Variants in SSX5 observed in about 807,000 individuals in gnomAD.
SSX5 encodes the protein protein SSX5.
SSX5 carries 14 observed loss-of-function variants against 14.9 expected under a neutral mutation model. The observed-to-expected ratio is 0.94, with a 90% CI of 0.62 to 1.47. SSX5 has a LOEUF of 1.47. Ranked by LOEUF, SSX5 falls within the 40% of genes most tolerant of loss-of-function variation. The probability of loss-of-function intolerance (pLI) is 0.00; values close to 1 mark genes in which losing one functional copy is unlikely to be tolerated. For synonymous variants in SSX5, 70 were observed against 55.4 expected (o/e 1.26, Z -1.17); for missense variants, 204 against 154.6 (o/e 1.32, Z -1.70).
In SSX5 at chrX:48,186,668, A is replaced by G. The variant is rs137861486; in HGVS notation, c.*193T>C. ...TCTAACAGAATGGCACACTGTAACAAAATACAACAGAAACACTAACATCGA... is the reference window on the plus strand; with the variant it reads ...TCTAACAGAATGGCACACTGTAACAGAATACAACAGAAACACTAACATCGA... On this transcript the variant is annotated 3_prime_UTR_variant, in exon 8 of 8. Transcript: ENST00000347757. The G allele has an allele frequency of 1.6e-3, 1,340 of 845,771 alleles. 3 individuals are homozygous for G. The highest frequency in any genetic ancestry group is 2.0e-3 in the Non-Finnish European group (1,176 of 594,789). 69.7% of individuals were successfully genotyped at this position (845,771 alleles called of 1,213,427 possible). A position where few individuals can be genotyped will look rare whatever the true frequency, so the allele number is the denominator to read the frequency against.
Position 48,195,344 on chromosome X carries a change from A to C in SSX5, c.15T>G (p.Asp5Glu). MNGD[D>E]AFVRRPRVGS... is the part of the protein sequence containing the mutation. ...CAACCCTAGGTCTCCGTACAAAGGC[A>C]TCGTCTCCGTTCATGGCACCGGGAG... Residue 5 changes from aspartate (D) to glutamate (E), a missense_variant, in exon 2 of 8, where the codon GAT becomes GAG. Transcript: ENST00000347757. The C allele has an allele frequency of 8.3e-7, 1 of 1,211,565 alleles. No homozygotes were observed. The highest frequency in any genetic ancestry group is 1.1e-6 in the Non-Finnish European group (1 of 895,385).
Position 48,194,185 on chromosome X carries a change from C to T in SSX5, c.224G>A (p.Arg75Gln), listed in dbSNP as rs139280367. ...ATLPPFMRNK[R>Q]VADFQGNDFD... ...ATCATTCCCCTGGAAGTCTGCGACC[C>T]GTTTATTACGCATGAAAGGTGGGAG... Residue 75 changes from arginine to glutamine, a missense_variant, in exon 4 of 8, where the codon CGG becomes CAG. Transcript: ENST00000347757. The T allele has an allele frequency of 7.8e-5, 94 of 1,207,823 alleles. No individual in the cohort carries two copies. Among genetic ancestry groups the T allele is most frequent in the South Asian group, 6.2e-4 (35 of 56,658 alleles).
intron 1 of SSX5, 134 bp from the exon 2 acceptor site, chrX:48,195,512 C>A: frequency 1.6e-6 from 1 of 627,515 alleles, no homozygotes; most frequent in Non-Finnish European, 2.5e-6. Context: ...CTTATCTGTC[C>A]CTGAGTAAGG....
rs782744115 is a variant in SSX5 at position 48,186,853 on chromosome X, G to A, written c.*8C>T. The A allele has an allele frequency of 2.5e-4, 295 of 1,196,172 alleles. No homozygotes were observed. The highest frequency in any genetic ancestry group is 3.1e-4 in the Non-Finnish European group (279 of 894,978). On this transcript the variant is annotated 3_prime_UTR_variant, in exon 8 of 8. Transcript: ENST00000347757. ...CATCATGGGCATGTGTCATATCCCC[G>A]AGGCTGAGGCAAGAAGCGAGAAGGA...
At position 48,186,403 on chromosome X, in the gene SSX5, T is replaced by TGTGCGCGCGC. The variant is rs1327257757; in HGVS notation, c.*457_*458insGCGCGCGCAC. 1 of 126,230 alleles carries TGTGCGCGCGC rather than the reference T, an allele frequency of 7.9e-6. No homozygotes were observed. Among genetic ancestry groups the TGTGCGCGCGC allele is most frequent in the African/African-American group, 4.0e-5 (1 of 24,997 alleles). 10.4% of individuals were successfully genotyped at this position (126,230 alleles called of 1,213,427 possible). A position where few individuals can be genotyped will look rare whatever the true frequency, so the allele number is the denominator to read the frequency against. On this transcript the variant is annotated 3_prime_UTR_variant, in exon 8 of 8. Coordinates refer to ENST00000347757, the MANE Select transcript of SSX5 (RefSeq NM_175723.2). ...GTGTGTGTGTGTGTGTGTGTGTGTG[T>TGTGCGCGCGC]GCGCGCGCGCGCGCATGTGTGTCTG...
At chrX:48,192,019 T>G (rs141569488) in intron 5 of SSX5, among the ~76,000 whole-genome samples, 1 of 112,249 alleles carries the variant, frequency 8.9e-6, no homozygotes, top group Non-Finnish European at 1.9e-5. Flanking sequence ...GTGAACTGCT[T>G]AAAATAGTAT....
At chrX:48,187,799 G>T in intron 6 of SSX5, 68 bp from the exon 7 acceptor site, 1 of 1,135,133 alleles carries the variant, frequency 8.8e-7, no homozygotes, top group South Asian at 1.9e-5. Context: ...ATTGGAGAGT[G>T]TTAGGCTCTG....
rs1327257757 is a variant in SSX5 at position 48,186,403 on chromosome X, T to TGTGTGCGCGCGC, written c.*457_*458insGCGCGCGCACAC. 1 of 126,230 alleles carries TGTGTGCGCGCGC rather than the reference T, an allele frequency of 7.9e-6. No homozygotes were observed. Among genetic ancestry groups the TGTGTGCGCGCGC allele is most frequent in the African/African-American group, 4.0e-5 (1 of 24,997 alleles). 10.4% of individuals were successfully genotyped at this position (126,230 alleles called of 1,213,427 possible). A position where few individuals can be genotyped will look rare whatever the true frequency, so the allele number is the denominator to read the frequency against. On this transcript the variant is annotated 3_prime_UTR_variant, in exon 8 of 8. Transcript: ENST00000347757. Reference sequence around the variant, plus strand: ...GTGTGTGTGTGTGTGTGTGTGTGTGTGCGCGCGCGCGCGCATGTGTGTCTG... The same window carrying TGTGTGCGCGCGC: ...GTGTGTGTGTGTGTGTGTGTGTGTGTGTGTGCGCGCGCGCGCGCGCGCGCGCATGTGTGTCTG...
At chrX:48,192,879 C>T (rs1208957537) in intron 4 of SSX5, among the ~76,000 whole-genome samples, 2 of 112,186 alleles carry the variant, frequency 1.8e-5, no homozygotes, top group African/African-American at 6.5e-5. Context: ...CTGACCTTGT[C>T]TTATAATTGT....
intron 1 of SSX5, 90 bp from the exon 2 acceptor site, chrX:48,195,468 C>T (rs2059437537): frequency 2.2e-6 from 2 of 916,111 alleles, no homozygotes; most frequent in South Asian, 2.3e-5. Context: ...CACTCAGTCA[C>T]CTGGAATCAG....
At position 48,186,435 on chromosome X, in the gene SSX5, A is replaced by T; in HGVS notation, c.*426T>A. Reference sequence around the variant, plus strand: ...GCGCGCGCATGTGTGTCTGTGTGGCATGTGTGTGTGTTTGTGTAAATGCAG... The same window carrying T: ...GCGCGCGCATGTGTGTCTGTGTGGCTTGTGTGTGTGTTTGTGTAAATGCAG... On this transcript the variant is annotated 3_prime_UTR_variant, in exon 8 of 8. Transcript: ENST00000347757. The T allele has an allele frequency of 3.7e-6, 1 of 272,726 alleles. No individual in the cohort carries two copies. Among genetic ancestry groups the T allele is most frequent in the Admixed American group, 5.9e-5 (1 of 17,020 alleles). 22.5% of individuals were successfully genotyped at this position (272,726 alleles called of 1,213,427 possible).
intron 6 of SSX5, among the ~76,000 whole-genome samples, chrX:48,189,209 C>T (rs2059410513): frequency 8.9e-6 from 1 of 112,151 alleles, no homozygotes; most frequent in Admixed American, 9.5e-5. Flanking sequence ...CTACACTAAA[C>T]AACAGATTTT....
chrX:48,190,027 C>T, intron 6 of SSX5, 106 bp downstream of exon 6: 7 of 1,076,297 alleles, frequency 6.5e-6, no homozygotes, highest in South Asian at 2.4e-5. Flanking sequence ...CTCCTCAGCC[C>T]AGCCTGGACC....
Position 48,192,226 on chromosome X carries a change from A to T in SSX5, c.330+6T>A, listed in dbSNP as rs782820112. ...CTCTGGTCCTTTAGATTTGAGAGAC[A>T]CTCACCTTCGGGAAGATTCCCTGGA... is the stretch of plus-strand genomic sequence containing the variant. On this transcript the variant is annotated splice_donor_region_variant and intron_variant, in intron 5 of 7. Transcript: ENST00000347757. The T allele has an allele frequency of 2.5e-6, 3 of 1,210,803 alleles. No homozygotes were observed. The South Asian group carries it at 5.3e-5, about 21-fold the overall frequency.
Position 48,186,749 on chromosome X carries a change from CT to C in SSX5, c.*111del. On this transcript the variant is annotated 3_prime_UTR_variant, in exon 8 of 8. Coordinates refer to ENST00000347757, the MANE Select transcript of SSX5 (RefSeq NM_175723.2). ...AACTTTTCACTGTTGTGAACACTTG[CT>C]TTCACTTGCTATACACCTGATGACG... is the stretch of plus-strand genomic sequence containing the variant. The C allele has an allele frequency of 8.5e-7, 1 of 1,179,494 alleles. No homozygotes were observed. The highest frequency in any genetic ancestry group is 3.3e-4 in the Middle Eastern group (1 of 3,071).
rs1556923751 is a variant in SSX5, at chrX:48,186,404, G to GCA, written c.*456_*457insTG. On this transcript the variant is annotated 3_prime_UTR_variant, in exon 8 of 8. Transcript: ENST00000347757. ...TGTGTGTGTGTGTGTGTGTGTGTGT[G>GCA]CGCGCGCGCGCGCATGTGTGTCTGT... 2.4e-4 allele frequency: 56 copies of GCA among 234,816 alleles called. No individual in the cohort carries two copies. The highest frequency in any genetic ancestry group is 6.1e-4 in the Admixed American group (8 of 13,073). 19.4% of individuals were successfully genotyped at this position (234,816 alleles called of 1,213,427 possible).
At chrX:48,196,114 T>C (rs2059440207) in intron 1 of SSX5, among the ~76,000 whole-genome samples, 1 of 109,333 alleles carries the variant, frequency 9.1e-6, no homozygotes, top group Non-Finnish European at 1.9e-5. Context: ...AGCAAAACTC[T>C]CGTGTCTACA....
At position 48,194,141 on chromosome X, in the gene SSX5, G is replaced by C. The variant is rs146748651; in HGVS notation, c.268C>G (p.Arg90Gly). ...QGNDFDNDPN[R>G]GNQVEHPQMT... ...CCCATCTACTCACCCTGATTCCCAC[G>C]GTTAGGGTCATTATCAAAATCATTC... Residue 90 changes from arginine (R) to glycine (G), a missense_variant, in exon 4 of 8, where the codon CGT becomes GGT. Arg to Gly is a moderately radical substitution (Grantham distance 125). Transcript: ENST00000347757. The C allele has an allele frequency of 5.8e-6, 7 of 1,209,988 alleles. No individual in the cohort carries two copies. In the South Asian group the frequency reaches 8.8e-5, roughly 15 times the overall value.
At chrX:48,195,148 A>C (rs1262918902) in intron 2 of SSX5, 142 bp downstream of exon 2, 8 of 1,209,588 alleles carry the variant, frequency 6.6e-6, no homozygotes, top group African/African-American at 1.8e-5. Flanking sequence ...TGACAGAGCG[A>C]GAGTGAGAGG....
Sources: gnomAD v4.1 joint callset for allele counts (sites outside exome capture counted in the v4.1 genomes callset) on GRCh38, gnomAD v4.1.1 for gene constraint, MANE v1.5 for transcripts, NCBI Gene and HGNC (gene_info 2026-07-23, HGNC 2026-07-21) for gene names.